The following MFSD2B variants were observed in gnomAD, a reference collection of about 807,000 sequenced individuals.
The protein encoded by MFSD2B is sphingosine-1-phosphate transporter MFSD2B.
Under a neutral mutation model 58.4 loss-of-function variants are expected in MFSD2B, and 56 were observed. That is an observed-to-expected ratio of 0.96 (90% confidence interval 0.77 to 1.20). The LOEUF (loss-of-function observed/expected upper bound fraction) is 1.20. MFSD2B is among the 50% of genes most tolerant of loss of function. The pLI is 0.00. For missense variants in MFSD2B, 645 were observed against 667.6 expected (o/e 0.97, Z 0.37); for synonymous variants, 287 against 294.4 (o/e 0.97, Z 0.26).
rs374517242 is a variant in MFSD2B, at chr2:24,023,264, G to A, written c.1169+25G>A. The A allele has an allele frequency of 1.6e-5, 25 of 1,567,232 alleles. No homozygotes were observed. The highest frequency in any genetic ancestry group is 4.0e-5 in the African/African-American group (3 of 74,172). On this transcript the variant is annotated intron_variant, in intron 11 of 13. Coordinates refer to ENST00000338315, the MANE Select transcript of MFSD2B (RefSeq NM_001346880.2). This position sits in a 1 kb window ranked among gnomAD's most constrained non-coding sequence, Gnocchi z 5.0. ...GGTAGGCTGGGTGTGGGGGCCTCAC[G>A]TGTGTCCACAGTGGGTGTCACCTCC...
Position 24,025,809 on chromosome 2 carries a change from C to T in MFSD2B, c.*353C>T, listed in dbSNP as rs1342698084. The stretch of plus-strand genomic sequence containing the variant: ...GTTACAGCCGGCTCACTGCAAAATC[C>T]GCCTCCCGGGTTCACGCCATTCTCC... On this transcript the variant is annotated 3_prime_UTR_variant, in exon 14 of 14. Coordinates refer to ENST00000338315, the MANE Select transcript of MFSD2B (RefSeq NM_001346880.2). 18 of 232,434 alleles carry T rather than the reference C, an allele frequency of 7.7e-5. No homozygotes were observed. The highest frequency in any genetic ancestry group is 3.6e-4 in the African/African-American group (16 of 44,534). 14.4% of individuals were successfully genotyped at this position (232,434 alleles called of 1,614,324 possible).
chr2:24,023,552 T>A lies in MFSD2B; in HGVS notation c.1170-31T>A. ...CACAGGCTGCTGGTGGCCAAGGGGC[T>A]AGGAGGGCTAACTCCACACCCCCGC... On this transcript the variant is annotated intron_variant, in intron 11 of 13. Coordinates refer to ENST00000338315, the MANE Select transcript of MFSD2B (RefSeq NM_001346880.2). The surrounding 1 kb of genome is among the most constrained non-coding windows in gnomAD (Gnocchi z 5.0). 6.2e-7 allele frequency: 1 copy of A among 1,603,066 alleles called. No homozygotes were observed.
Position 24,023,576 on chromosome 2 carries a change from G to C in MFSD2B, c.1170-7G>C. Reference sequence around the variant, plus strand: ...CTAGGAGGGCTAACTCCACACCCCCGCCGCAGGTCCATGCTGCCAGACGTG... The same window carrying C: ...CTAGGAGGGCTAACTCCACACCCCCCCCGCAGGTCCATGCTGCCAGACGTG... On this transcript the variant is annotated splice_polypyrimidine_tract_variant and splice_region_variant and intron_variant, in intron 11 of 13. Coordinates refer to ENST00000338315, the MANE Select transcript of MFSD2B (RefSeq NM_001346880.2). This position sits in a 1 kb window ranked among gnomAD's most constrained non-coding sequence, Gnocchi z 5.0. 6.2e-7 allele frequency: 1 copy of C among 1,612,694 alleles called. No homozygotes were observed.
At position 24,022,759 on chromosome 2, in the gene MFSD2B, T is replaced by C. The variant is rs1662841714; in HGVS notation, c.979-63T>C. 7.7e-7 allele frequency: 1 copy of C among 1,302,988 alleles called. No individual in the cohort carries two copies. Among genetic ancestry groups the C allele is most frequent in the Non-Finnish European group, 1.0e-6 (1 of 960,480 alleles). 80.7% of individuals were successfully genotyped at this position (1,302,988 alleles called of 1,614,324 possible). On this transcript the variant is annotated intron_variant, in intron 9 of 13. Transcript: ENST00000338315. This position sits in a 1 kb window ranked among gnomAD's most constrained non-coding sequence, Gnocchi z 4.5. ...GGCATCCAATCTAAAAGCCAAGGCC[T>C]TGGGGTCCCAGGCAAAGGCGCTGGC...
chr2:24,016,304 G>T (rs1313144564), intron 3 of MFSD2B, 24 bp downstream of exon 3: 1 of 1,606,608 alleles, frequency 6.2e-7, no homozygotes, highest in African/African-American at 1.3e-5. Flanking sequence ...CAGTCCTTAG[G>T]ATCCAGGCAC....
intron 6 of MFSD2B, among the ~76,000 whole-genome samples, chr2:24,019,351 G>A (rs1662671126): frequency 1.3e-5 from 2 of 152,172 alleles, no homozygotes; most frequent in Admixed American, 1.3e-4. Flanking sequence ...CCCTCCCGGG[G>A]ATTCTGCCCC....
At position 24,022,966 on chromosome 2, in the gene MFSD2B, G is replaced by C. The variant is rs1346430126; in HGVS notation, c.1059+64G>C. On this transcript the variant is annotated intron_variant, in intron 10 of 13. Transcript: ENST00000338315. The surrounding 1 kb of genome is among the most constrained non-coding windows in gnomAD (Gnocchi z 4.5). ...GGGGAGAGGTGAGCGAGGTGACCTT[G>C]GTGCCTGAGCCTCCTGGGGCCAGCA... is the stretch of plus-strand genomic sequence containing the variant. 3.2e-5 allele frequency: 48 copies of C among 1,498,354 alleles called. No homozygotes were observed. The highest frequency in any genetic ancestry group is 4.2e-5 in the Non-Finnish European group (46 of 1,091,000). 92.8% of individuals were successfully genotyped at this position (1,498,354 alleles called of 1,614,324 possible).
At position 24,024,092 on chromosome 2, in the gene MFSD2B, C is replaced by T. The variant is rs754770114; in HGVS notation, c.1314-3C>T. ...CCCTAATGGCTGGCTGATGTTTCTCCAGGTTCTCGGGGTATAAGGCAGGGG... is the reference window on the plus strand; with the variant it reads ...CCCTAATGGCTGGCTGATGTTTCTCTAGGTTCTCGGGGTATAAGGCAGGGG... On this transcript the variant is annotated splice_region_variant and splice_polypyrimidine_tract_variant and intron_variant, in intron 12 of 13. Transcript: ENST00000338315. This position sits in a 1 kb window ranked among gnomAD's most constrained non-coding sequence, Gnocchi z 4.3. The T allele has an allele frequency of 5.6e-6, 9 of 1,613,152 alleles. No individual in the cohort carries two copies. In the Admixed American group the frequency reaches 1.3e-4, roughly 24 times the overall value.
chr2:24,016,317 G>T, intron 3 of MFSD2B, 37 bp downstream of exon 3: 1 of 1,597,924 alleles, frequency 6.3e-7, no homozygotes, highest in South Asian at 1.1e-5. Context: ...CCAGGCACCT[G>T]GTCCTGGCCC....
At position 24,025,154 on chromosome 2, in the gene MFSD2B, A is replaced by G. The variant is rs530470832; in HGVS notation, c.1491-278A>G. On this transcript the variant is annotated intron_variant, in intron 13 of 13. Coordinates refer to ENST00000338315, the MANE Select transcript of MFSD2B (RefSeq NM_001346880.2). ...ACAGGCAGTGGGTGGCCTTGTCATC[A>G]GCCACTCCCTGCTGAGGGTGACGGC... Among the ~76,000 whole-genome samples, 5 of 152,264 alleles carry G rather than the reference A, an allele frequency of 3.3e-5. No homozygotes were observed. The South Asian group carries it at 6.2e-4, about 19-fold the overall frequency.
Position 24,024,195 on chromosome 2 carries a change from G to A in MFSD2B, c.1414G>A (p.Gly472Arg), listed in dbSNP as rs1369165496. 1 of 1,613,630 alleles carries A rather than the reference G, an allele frequency of 6.2e-7. No homozygotes were observed. Among genetic ancestry groups the A allele is most frequent in the African/African-American group, 1.3e-5 (1 of 74,926 alleles). The change falls in exon 13 of 14, where the codon GGG (glycine) becomes AGG (arginine). Residue 472 changes from glycine (G) to arginine (R), a missense_variant. By Grantham distance (125) the Gly-to-Arg change is moderately radical. Coordinates refer to ENST00000338315, the MANE Select transcript of MFSD2B (RefSeq NM_001346880.2). The surrounding 1 kb of genome is among the most constrained non-coding windows in gnomAD (Gnocchi z 4.3). ...CGTGCCCACCTGCATGATCCTTGCTGGGCTCTGCATCCTCATGGTCGGCTC... is the reference window on the plus strand; with the variant it reads ...CGTGCCCACCTGCATGATCCTTGCTAGGCTCTGCATCCTCATGGTCGGCTC... Reference protein sequence around the residue: ...GAVPTCMILAGLCILMVGSTP... With the variant: ...GAVPTCMILARLCILMVGSTP...
intron 2 of MFSD2B, among the ~76,000 whole-genome samples, chr2:24,014,527 A>G (rs1269835205): frequency 6.6e-6 from 1 of 152,210 alleles, no homozygotes; most frequent in African/African-American, 2.4e-5. Flanking sequence ...CAAATAGACT[A>G]TCATGCAGCC....
intron 2 of MFSD2B, among the ~76,000 whole-genome samples, chr2:24,014,364 G>A (rs1391731089): frequency 6.6e-6 from 1 of 152,076 alleles, no homozygotes. Flanking sequence ...ATGTTGGCCA[G>A]GCTGGTCTCG....
rs749488233 is a variant in MFSD2B, at chr2:24,017,427, T to C, written c.551-31T>C. 1.9e-6 allele frequency: 3 copies of C among 1,597,398 alleles called. No homozygotes were observed. The highest frequency in any genetic ancestry group is 2.6e-6 in the Non-Finnish European group (3 of 1,172,162). On this transcript the variant is annotated intron_variant, in intron 5 of 13. Transcript: ENST00000338315. The surrounding 1 kb of genome is among the most constrained non-coding windows in gnomAD (Gnocchi z 4.8). The stretch of plus-strand genomic sequence containing the variant: ...ACTGCCCCTGGGACCCCACTCCCTC[T>C]CAGTCACCTTAAGTGGCACTCTGTC...
intron 6 of MFSD2B, among the ~76,000 whole-genome samples, chr2:24,019,680 G>A (rs902220432): frequency 9.9e-5 from 15 of 152,138 alleles, no homozygotes; most frequent in Admixed American, 3.9e-4. Context: ...CAGGGATCAC[G>A]CCATTGCACT....
chr2:24,016,367 A>T (rs2150939002), intron 3 of MFSD2B, 87 bp downstream of exon 3: 1 of 1,435,244 alleles, frequency 7.0e-7, no homozygotes, highest in Non-Finnish European at 9.4e-7. Flanking sequence ...CCTAGCAGAA[A>T]CCCACTGGGT....
chr2:24,024,121 G>C lies in MFSD2B; in HGVS notation c.1340G>C (p.Cys447Ser). 1 of 1,613,860 alleles carries C rather than the reference G, an allele frequency of 6.2e-7. No individual in the cohort carries two copies. The highest frequency in any genetic ancestry group is 8.5e-7 in the Non-Finnish European group (1 of 1,179,822). ...LEFSGYKAGV[C>S]KQAEEVVVTL... ...TTCTCGGGGTATAAGGCAGGGGTCTGCAAGCAAGCAGAGGAGGTGGTGGTC... is the reference window on the plus strand; with the variant it reads ...TTCTCGGGGTATAAGGCAGGGGTCTCCAAGCAAGCAGAGGAGGTGGTGGTC... The change falls in exon 13 of 14, where the codon TGC becomes TCC. Residue 447 changes from cysteine (C) to serine (S), a missense_variant. Cys to Ser is a moderately radical substitution (Grantham distance 112, BLOSUM62 -1). Coordinates refer to ENST00000338315, the MANE Select transcript of MFSD2B (RefSeq NM_001346880.2). The surrounding 1 kb of genome is among the most constrained non-coding windows in gnomAD (Gnocchi z 4.3).
rs769849376 is a variant in MFSD2B at position 24,016,300 on chromosome 2, T to A, written c.347+20T>A. 3.1e-6 allele frequency: 5 copies of A among 1,608,510 alleles called. No homozygotes were observed. Among genetic ancestry groups the A allele is most frequent in the Non-Finnish European group, 4.2e-6 (5 of 1,176,886 alleles). On this transcript the variant is annotated intron_variant, in intron 3 of 13. Coordinates refer to ENST00000338315, the MANE Select transcript of MFSD2B (RefSeq NM_001346880.2). ...GCCTTGGTGAGCAACCGCTCAGTCC[T>A]TAGGATCCAGGCACCTGGTCCTGGC...
rs1662781596 is a variant in MFSD2B at position 24,021,484 on chromosome 2, G to T, written c.682-164G>T. 1 of 623,552 alleles carries T rather than the reference G, an allele frequency of 1.6e-6. No individual in the cohort carries two copies. The highest frequency in any genetic ancestry group is 1.8e-5 in the African/African-American group (1 of 54,912). 38.6% of individuals were successfully genotyped at this position (623,552 alleles called of 1,614,324 possible). On this transcript the variant is annotated intron_variant, in intron 6 of 13. Coordinates refer to ENST00000338315, the MANE Select transcript of MFSD2B (RefSeq NM_001346880.2). The surrounding 1 kb of genome is among the most constrained non-coding windows in gnomAD (Gnocchi z 5.7). ...GGAAGGACCAGCCCGGGCCCGGAGAGCATGCTGTCCTGTGGGGTGATTGGG... is the reference window on the plus strand; with the variant it reads ...GGAAGGACCAGCCCGGGCCCGGAGATCATGCTGTCCTGTGGGGTGATTGGG...
Sources: allele counts gnomAD v4.1 joint callset (sites outside exome capture counted in the v4.1 genomes callset), GRCh38; gene constraint gnomAD v4.1.1; non-coding constraint Gnocchi (gnomAD v3.1); transcripts MANE v1.5; gene names NCBI Gene and HGNC (gene_info 2026-07-23, HGNC 2026-07-21).